Variants in DENND4A observed in about 807,000 individuals in gnomAD.
The protein encoded by DENND4A is DENN domain containing 4A.
Under a neutral mutation model 199.3 loss-of-function variants are expected in DENND4A, and 70 were observed. The observed-to-expected ratio is 0.35, with a 90% CI of 0.29 to 0.43. The LOEUF (loss-of-function observed/expected upper bound fraction) is 0.43, where lower values mean the gene tolerates loss of function less well. DENND4A is among the 20% of genes least tolerant of loss of function. The pLI, the probability that DENND4A is intolerant of heterozygous loss-of-function variation, is 1.00. For missense variants in DENND4A, 1,723 were observed against 2,255.8 expected (o/e 0.76, Z 4.78); for synonymous variants, 686 against 766.9 (o/e 0.89, Z 1.74).
chr15:65,675,696 T>G (rs2076352534), intron 24 of DENND4A, among the ~76,000 whole-genome samples: 1 of 152,140 alleles, frequency 6.6e-6, no homozygotes, highest in Non-Finnish European at 1.5e-5. Context: ...CTGAAATACA[T>G]TCCTCACCTA....
intron 23 of DENND4A, among the ~76,000 whole-genome samples, chr15:65,686,854 G>A (rs1404576319): frequency 6.6e-6 from 1 of 151,308 alleles, no homozygotes; most frequent in African/African-American, 2.4e-5. Context: ...ACCATGGCCA[G>A]CTAGTTAAAA....
At chr15:65,670,572 G>A (rs1299094227) in intron 25 of DENND4A, among the ~76,000 whole-genome samples, 1 of 152,314 alleles carries the variant, frequency 6.6e-6, no homozygotes, top group East Asian at 1.9e-4. Context: ...TTACTGGATT[G>A]TGATGAGATA....
At chr15:65,781,818 A>G (rs1216790696) in intron 1 of DENND4A, among the ~76,000 whole-genome samples, 1 of 152,238 alleles carries the variant, frequency 6.6e-6, no homozygotes, top group African/African-American at 2.4e-5. Context: ...ACTGTAACTT[A>G]GAACAATGTG....
chr15:65,738,565 TG>T, intron 6 of DENND4A, 140 bp downstream of exon 6: 1 of 679,900 alleles, frequency 1.5e-6, no homozygotes, highest in South Asian at 3.4e-5. Flanking sequence ...CCTATGTCCC[TG>T]GATACAGTTA....
At chr15:65,666,366 GC>G (rs2076037958) in intron 29 of DENND4A, among the ~76,000 whole-genome samples, 1 of 152,100 alleles carries the variant, frequency 6.6e-6, no homozygotes, top group Non-Finnish European at 1.5e-5. Context: ...AACAGAGATG[GC>G]TACTCAATGA....
At chr15:65,685,610 C>T (rs2076749722) in intron 23 of DENND4A, among the ~76,000 whole-genome samples, 1 of 152,144 alleles carries the variant, frequency 6.6e-6, no homozygotes, top group African/African-American at 2.4e-5. Context: ...ACTTATAATA[C>T]CTAATACAAT....
intron 11 of DENND4A, among the ~76,000 whole-genome samples, chr15:65,728,591 C>G (rs561786098): frequency 3.5e-4 from 53 of 151,546 alleles, no homozygotes; most frequent in African/African-American, 1.2e-3. Flanking sequence ...TGAAGCAATT[C>G]TCCTGCTTCA....
intron 1 of DENND4A, among the ~76,000 whole-genome samples, chr15:65,787,174 A>G (rs1364275298): frequency 3.3e-5 from 5 of 152,210 alleles, no homozygotes; most frequent in Admixed American, 6.5e-5. Flanking sequence ...CAATATTACA[A>G]TAAAATTAAG....
At chr15:65,676,937 C>T (rs951452740) in intron 23 of DENND4A, among the ~76,000 whole-genome samples, 3 of 152,176 alleles carry the variant, frequency 2.0e-5, no homozygotes, top group African/African-American at 7.2e-5. Context: ...GACAAGGTAT[C>T]ACCCAAACAT....
Position 65,722,096 on chromosome 15 carries a change from G to A in DENND4A, c.1588+752C>T, listed in dbSNP as rs183994931. Among the ~76,000 whole-genome samples the A allele has an allele frequency of 5.3e-4, 80 of 152,288 alleles. 1 individual carries two copies. The highest frequency in any genetic ancestry group is 1.4e-3 in the Admixed American group (22 of 15,302). On this transcript the variant is annotated intron_variant, in intron 12 of 32. Coordinates refer to ENST00000443035, the MANE Select transcript of DENND4A (RefSeq NM_001320835.1). ...CACAGCATTAAGATCCACTGAAGGT[G>A]AAAAGCTCTTACCCCACTGATACCA...
At chr15:65,785,962 A>G (rs2077557115) in intron 1 of DENND4A, among the ~76,000 whole-genome samples, 1 of 152,236 alleles carries the variant, frequency 6.6e-6, no homozygotes, top group Non-Finnish European at 1.5e-5. Flanking sequence ...GTAAGAAATC[A>G]AAGAATTTGA....
Position 65,691,369 on chromosome 15 carries a change from G to T in DENND4A, c.3225C>A (p.Asn1075Lys), listed in dbSNP as rs1194325507. 6.2e-7 allele frequency: 1 copy of T among 1,613,514 alleles called. No individual in the cohort carries two copies. Among genetic ancestry groups the T allele is most frequent in the Admixed American group, 1.7e-5 (1 of 59,928 alleles). Residue 1075 changes from asparagine to lysine, a missense_variant, in exon 23 of 33, where the codon AAC becomes AAA. This residue lies in a region of DENND4A where 650 missense variants were observed against 738.1 expected (regional missense o/e 0.88). Transcript: ENST00000443035. ...TCAGTACCCCTCCACTAAGATTACG[G>T]TTTCTATTTCCCCAGACCACTTGCT... ...LQQQVVWGNR[N>K]RNLSGGVLMG... is the part of the protein sequence containing the mutation.
rs182528421 is a variant in DENND4A at position 65,745,103 on chromosome 15, C to T, written c.562-3319G>A. 4.0e-4 allele frequency among the ~76,000 whole-genome samples: 61 copies of T among 152,264 alleles called. 1 individual carries two copies. The East Asian group carries it at 0.011, about 28-fold the overall frequency. On this transcript the variant is annotated intron_variant, in intron 4 of 32. Transcript: ENST00000443035. ...CTGATGAATAACAATGAGAAGATAT[C>T]ATAAATAGCACTATATGATCATTTA...
At chr15:65,706,860 G>A (rs2075080456) in intron 14 of DENND4A, among the ~76,000 whole-genome samples, 2 of 152,144 alleles carry the variant, frequency 1.3e-5, no homozygotes, top group Non-Finnish European at 2.9e-5. Context: ...CCTATATGAG[G>A]AAGAGGAAAG....
At chr15:65,790,858 ACTT>A (rs2077698150) in intron 1 of DENND4A, among the ~76,000 whole-genome samples, 1 of 152,180 alleles carries the variant, frequency 6.6e-6, no homozygotes, top group Admixed American at 6.5e-5. Flanking sequence ...CCCCCAGAAT[ACTT>A]CTTAAAATAA....
intron 32 of DENND4A, among the ~76,000 whole-genome samples, chr15:65,663,198 A>ATTTTTTTTTTTTTTTTTTTTTT (rs139708249): frequency 8.9e-6 from 1 of 112,348 alleles, no homozygotes; most frequent in African/African-American, 3.7e-5. Context: ...ATATATATAT[A>ATTTTTTTTTTTTTTTTTTTTTT]TTTTTTTTTT....
At chr15:65,721,263 G>A (rs980578470) in intron 12 of DENND4A, among the ~76,000 whole-genome samples, 7 of 151,832 alleles carry the variant, frequency 4.6e-5, no homozygotes, top group Admixed American at 6.6e-5. Context: ...ATTTTGTTAC[G>A]TTTTATGTAA....
chr15:65,756,100 T>A, intron 3 of DENND4A, 40 bp downstream of exon 3: 1 of 1,497,174 alleles, frequency 6.7e-7, no homozygotes, highest in African/African-American at 1.4e-5. Context: ...AGGCATATTA[T>A]TTGGATCAAT....
In DENND4A at chr15:65,717,797, G is replaced by A. The variant is rs1435404833; in HGVS notation, c.1788C>T (p.Ala596=). 1 of 1,604,484 alleles carries A rather than the reference G, an allele frequency of 6.2e-7. No individual in the cohort carries two copies. Among genetic ancestry groups the A allele is most frequent in the Admixed American group, 1.7e-5 (1 of 58,840 alleles). Residue 596 remains alanine (A), a synonymous_variant, in exon 13 of 33, where the codon GCC becomes GCT. Coordinates refer to ENST00000443035, the MANE Select transcript of DENND4A (RefSeq NM_001320835.1). Reference sequence around the variant, plus strand: ...ACTCACCTTGTAGGGCAAAGAGAGAGGCTGCATCTGTGGCTGTCTCAGATG... The same window carrying A: ...ACTCACCTTGTAGGGCAAAGAGAGAAGCTGCATCTGTGGCTGTCTCAGATG... ...QAPSETATDA[A]SLFALQAFLR... is the part of the protein sequence containing the mutation.
Sources: allele counts gnomAD v4.1 joint callset (sites outside exome capture counted in the v4.1 genomes callset), GRCh38; gene constraint gnomAD v4.1.1; regional missense constraint gnomAD v4.1.1; transcripts MANE v1.5; gene names NCBI Gene and HGNC (gene_info 2026-07-23, HGNC 2026-07-21).